SULF2: variants seen among roughly 807,000 people sequenced by gnomAD.
SULF2 encodes sulfatase 2, also known as extracellular sulfatase Sulf-2.
A neutral mutation model predicts 107.7 loss-of-function variants in SULF2; 52 were observed. The observed-to-expected ratio is 0.48, with a 90% CI of 0.39 to 0.61. SULF2 has a LOEUF of 0.61. Ranked by LOEUF, SULF2 falls within the 20% of genes least tolerant of loss-of-function variation. The probability of loss-of-function intolerance (pLI) is 0.00; values close to 1 mark genes in which losing one functional copy is unlikely to be tolerated. For synonymous variants in SULF2, 460 were observed against 464.3 expected (o/e 0.99, Z 0.12); for missense variants, 993 against 1,177.3 (o/e 0.84, Z 2.29).
intron 2 of SULF2, among the ~76,000 whole-genome samples, chr20:47,743,770 A>G (rs138432905): frequency 1.3e-5 from 2 of 152,074 alleles, no homozygotes; most frequent in African/African-American, 4.8e-5. Context: ...TACAACTCCT[A>G]CTGTGCGCTC....
At chr20:47,745,396 A>G (rs1295361431) in intron 2 of SULF2, among the ~76,000 whole-genome samples, 287 of 27,282 alleles carry the variant, frequency 0.011, 17 homozygotes, top group African/African-American at 0.062. Flanking sequence ...AAAAAAAAAA[A>G]AAAAAAAAAA....
chr20:47,730,060 C>T (rs991588503), intron 3 of SULF2, among the ~76,000 whole-genome samples: 1 of 152,136 alleles, frequency 6.6e-6, no homozygotes, highest in Non-Finnish European at 1.5e-5. Flanking sequence ...GCCCCCCAGA[C>T]CCTGGTGAGG....
intron 7 of SULF2, among the ~76,000 whole-genome samples, chr20:47,679,522 C>T (rs1443147251): frequency 6.6e-6 from 1 of 152,162 alleles, no homozygotes; most frequent in Non-Finnish European, 1.5e-5. Flanking sequence ...TTCTTTCTCC[C>T]CTTGCTGGCT....
Position 47,663,535 on chromosome 20 carries a change from C to G in SULF2, c.2145G>C (p.Gln715His). 1 of 1,613,086 alleles carries G rather than the reference C, an allele frequency of 6.2e-7. No homozygotes were observed. Among genetic ancestry groups the G allele is most frequent in the Non-Finnish European group, 8.5e-7 (1 of 1,180,024 alleles). ...KKLRKLLKRL[Q>H]NNDTCSMPGL... is the part of the protein sequence containing the mutation. ...CTGGCATGCTGCACGTGTCGTTGTT[C>G]TGCAGGCGCTTGAGCAGCTTGCGGA... The change falls in exon 16 of 21, where the codon CAG becomes CAC. Residue 715 changes from glutamine to histidine, a missense_variant. Transcript: ENST00000688720.
chr20:47,684,431 C>A lies in SULF2; in HGVS notation c.888G>T (p.Thr296=). 1 of 1,608,032 alleles carries A rather than the reference C, an allele frequency of 6.2e-7. No homozygotes were observed. The highest frequency in any genetic ancestry group is 2.3e-5 in the East Asian group (1 of 44,426). ...TLMSVDDSME[T]IYNMLVETGE... is the part of the protein sequence containing the mutation. ...CAAGAGGCATGCAGCGGGCGCCTAC[C>A]GTCTCCATGGAGTCGTCCACCGACA... The change falls in exon 6 of 21, where the codon ACG becomes ACT. Residue 296 remains threonine, a splice_region_variant and synonymous_variant. Transcript: ENST00000688720.
chr20:47,665,295 T>C lies in SULF2; in HGVS notation c.1903-2A>G. The C allele has an allele frequency of 6.2e-7, 1 of 1,602,446 alleles. No individual in the cohort carries two copies. ...AATTTTGTTCTGCAGGGTTTCAATC[T>C]GAGGGAGGGGCAGAAGAGGAGGCCT... is the stretch of plus-strand genomic sequence containing the variant. On this transcript the variant is annotated splice_acceptor_variant, in intron 13 of 20. Transcript: ENST00000688720. LOFTEE classifies it high-confidence loss of function.
chr20:47,684,532 G>C lies in SULF2; in HGVS notation c.787C>G (p.Arg263Gly). Residue 263 changes from arginine (R) to glycine (G), a missense_variant, in exon 6 of 21, where the codon CGC becomes GGC. Physicochemically the swap from Arg to Gly is moderately radical, Grantham distance 125 (BLOSUM62 -2). Transcript: ENST00000688720. Reference protein sequence around the residue: ...APNPDKHWIMRYTGPMKPIHM... With the variant: ...APNPDKHWIMGYTGPMKPIHM... ...ATGGGCTTCATGGGCCCCGTGTAGC[G>C]CATGATCCAGTGTTTGTCCGGGTTG... 6.2e-7 allele frequency: 1 copy of C among 1,614,068 alleles called. No individual in the cohort carries two copies. The highest frequency in any genetic ancestry group is 1.1e-5 in the South Asian group (1 of 91,072).
chr20:47,685,987 C>T (rs915696798), intron 5 of SULF2: 1 of 152,210 alleles, frequency 6.6e-6, no homozygotes, highest in African/African-American at 2.4e-5. Context: ...TTAGTCCCCT[C>T]CCAAGGCATC....
chr20:47,666,063 C>T lies in SULF2; in HGVS notation c.1806-110G>A, dbSNP rs563173685. 1.4e-5 allele frequency: 23 copies of T among 1,597,374 alleles called. No homozygotes were observed. Among genetic ancestry groups the T allele is most frequent in the East Asian group, 6.7e-5 (3 of 44,706 alleles). ...CCGAGGTCTGTCCTGTCCCCTTCACCCTCGACTTCCACCTGGACACTCACC... is the reference window on the plus strand; with the variant it reads ...CCGAGGTCTGTCCTGTCCCCTTCACTCTCGACTTCCACCTGGACACTCACC... On this transcript the variant is annotated intron_variant, in intron 12 of 20. Coordinates refer to ENST00000688720, the MANE Select transcript of SULF2 (RefSeq NM_001387048.1). This position sits in a 1 kb window ranked among gnomAD's most constrained non-coding sequence, Gnocchi z 5.4.
chr20:47,675,592 G>A (rs2146463503), intron 10 of SULF2, among the ~76,000 whole-genome samples: 1 of 152,128 alleles, frequency 6.6e-6, no homozygotes, highest in East Asian at 1.9e-4. Context: ...TTCAATACCA[G>A]GGCCCTGGTT....
intron 2 of SULF2, among the ~76,000 whole-genome samples, chr20:47,749,609 C>T (rs921838085): frequency 1.3e-5 from 2 of 152,218 alleles, no homozygotes; most frequent in Non-Finnish European, 2.9e-5. Flanking sequence ...CTTGAGCCTG[C>T]GATTTGGAAT....
At chr20:47,664,477 A>G (rs1246943708) in intron 14 of SULF2, among the ~76,000 whole-genome samples, 1 of 152,196 alleles carries the variant, frequency 6.6e-6, no homozygotes, top group Non-Finnish European at 1.5e-5. Flanking sequence ...GCCTGGCTTT[A>G]GGTGCATCAG....
chr20:47,762,540 C>T (rs1363685282), intron 1 of SULF2, among the ~76,000 whole-genome samples: 2 of 152,242 alleles, frequency 1.3e-5, no homozygotes, highest in East Asian at 3.8e-4. Context: ...AGAAGGGGTT[C>T]AAACCTAGTC....
intron 2 of SULF2, among the ~76,000 whole-genome samples, chr20:47,755,586 C>T (rs1479201893): frequency 2.6e-5 from 4 of 152,152 alleles, no homozygotes; most frequent in African/African-American, 9.7e-5. Flanking sequence ...CCCAAATATA[C>T]ATCAGGTGGG....
intron 3 of SULF2, among the ~76,000 whole-genome samples, chr20:47,719,645 C>A (rs1465079000): frequency 2.0e-5 from 3 of 152,204 alleles, no homozygotes; most frequent in Non-Finnish European, 4.4e-5. Flanking sequence ...TCTAATAAAT[C>A]CTGGGGGTAT....
At chr20:47,764,432 T>C (rs62200251) in intron 1 of SULF2, among the ~76,000 whole-genome samples, 13,827 of 152,232 alleles carry the variant, frequency 0.091, 735 homozygotes, top group South Asian at 0.22. Flanking sequence ...AGGCCACAAG[T>C]GCTCTTATTT....
chr20:47,738,626 G>A (rs2089802873), intron 2 of SULF2, among the ~76,000 whole-genome samples: 1 of 152,182 alleles, frequency 6.6e-6, no homozygotes, highest in South Asian at 2.1e-4. Context: ...TCTTGGTAGT[G>A]AATAAGTCTC....
At chr20:47,767,718 T>C (rs1051452675) in intron 1 of SULF2, among the ~76,000 whole-genome samples, 1 of 152,144 alleles carries the variant, frequency 6.6e-6, no homozygotes, top group Admixed American at 6.5e-5. Context: ...GAGCTTGCAG[T>C]GAGCCGAGAT....
In SULF2 at chr20:47,742,653, C is replaced by T. The variant is rs766558330; in HGVS notation, c.176-5711G>A. Among the ~76,000 whole-genome samples the T allele has an allele frequency of 5.7e-4, 86 of 152,212 alleles. 1 individual carries two copies. The highest frequency in any genetic ancestry group is 3.4e-3 in the Middle Eastern group (1 of 294). ...TGATTTGTTTGATATTTGTATTTAACGTGATTTAAGAAAAAACCCTTTAAT... is the reference window on the plus strand; with the variant it reads ...TGATTTGTTTGATATTTGTATTTAATGTGATTTAAGAAAAAACCCTTTAAT... On this transcript the variant is annotated intron_variant, in intron 2 of 20. Transcript: ENST00000688720.
Sources: gnomAD v4.1 joint callset for allele counts (sites outside exome capture counted in the v4.1 genomes callset) on GRCh38, gnomAD v4.1.1 for gene constraint, Gnocchi (gnomAD v3.1) non-coding constraint, MANE v1.5 for transcripts, NCBI Gene and HGNC (gene_info 2026-07-23, HGNC 2026-07-21) for gene names.